The following TCEANC2 variants were observed in gnomAD, a reference collection of about 807,000 sequenced individuals.
TCEANC2 encodes the protein transcription elongation factor A N-terminal and central domain-containing protein 2.
TCEANC2 carries 20 observed loss-of-function variants against 22.8 expected under a neutral mutation model. The observed-to-expected ratio is 0.88, with a 90% CI of 0.62 to 1.28. The LOEUF is 1.28. Ranked by LOEUF, TCEANC2 falls within the 50% of genes most tolerant of loss-of-function variation. TCEANC2 has a pLI of 0.00. For synonymous variants in TCEANC2, 84 were observed against 95.5 expected, an observed-to-expected ratio of 0.88 and a Z score of 0.70; for missense variants, 251 against 249.7, an observed-to-expected ratio of 1.01 and a Z score of -0.03.
chr1:54,109,193 G>A (rs1486137685), downstream of TCEANC2, among the ~76,000 whole-genome samples: 1 of 152,224 alleles, frequency 6.6e-6, no homozygotes, highest in African/African-American at 2.4e-5. Flanking sequence ...TATCAGGAAA[G>A]GTTTAGCAGA....
chr1:54,065,808 G>A (rs183391162), intron 2 of TCEANC2, among the ~76,000 whole-genome samples: 6 of 152,242 alleles, frequency 3.9e-5, no homozygotes, highest in African/African-American at 7.2e-5. Flanking sequence ...GCTGGGCACA[G>A]TGGCTCACAC....
At chr1:54,094,096 A>G (rs1658499299) in intron 4 of TCEANC2, among the ~76,000 whole-genome samples, 1 of 152,184 alleles carries the variant, frequency 6.6e-6, no homozygotes, top group Non-Finnish European at 1.5e-5. Flanking sequence ...TCACTCCAGC[A>G]CAAGCCTTGG....
In TCEANC2 at chr1:54,096,164, A is replaced by G. The variant is rs928773968; in HGVS notation, c.439-121A>G. 1 of 1,390,282 alleles carries G rather than the reference A, an allele frequency of 7.2e-7. No individual in the cohort carries two copies. The highest frequency in any genetic ancestry group is 1.4e-5 in the African/African-American group (1 of 69,666). The allele number at this position is 1,390,282 out of a possible 1,614,324, so 86.1% of individuals were successfully genotyped here. ...TCTTCCTGTTTCTCTTGTGACAGGA[A>G]GTAGATGTCCTTGAATTTCAGTTGA... On this transcript the variant is annotated intron_variant, in intron 4 of 4. Coordinates refer to ENST00000234827, the MANE Select transcript of TCEANC2 (RefSeq NM_153035.3). This position sits in a 1 kb window ranked among gnomAD's most constrained non-coding sequence, Gnocchi z 4.9.
chr1:54,054,306 A>G (rs749264372), intron 1 of TCEANC2, 75 bp from the exon 2 acceptor site: 34 of 1,508,748 alleles, frequency 2.3e-5, no homozygotes, highest in Non-Finnish European at 2.7e-5. Flanking sequence ...AGAGAACTCA[A>G]TTGTGTTACT....
chr1:54,089,298 A>G (rs1322668794), intron 4 of TCEANC2, among the ~76,000 whole-genome samples: 1 of 152,202 alleles, frequency 6.6e-6, no homozygotes, highest in African/African-American at 2.4e-5. Flanking sequence ...GGACTGTGTT[A>G]TGGAATATCA....
chr1:54,096,870 C>A lies in TCEANC2; in HGVS notation c.*397C>A, dbSNP rs766527424. 3.0e-6 allele frequency: 3 copies of A among 991,688 alleles called. No homozygotes were observed. The Middle Eastern group carries it at 1.6e-3, about 514-fold the overall frequency. The allele number at this position is 991,688 out of a possible 1,614,324, so 61.4% of individuals were successfully genotyped here. A position where few individuals can be genotyped will look rare whatever the true frequency, so the allele number is the denominator to read the frequency against. ...GTAACTGAAACTCAATTACCGCTGC[C>A]GCTCACTCGGTTCCATCCCCCTGAG... On this transcript the variant is annotated 3_prime_UTR_variant, in exon 5 of 5. Transcript: ENST00000234827. This position sits in a 1 kb window ranked among gnomAD's most constrained non-coding sequence, Gnocchi z 4.9.
downstream of TCEANC2, among the ~76,000 whole-genome samples, chr1:54,108,529 C>T (rs1048398863): frequency 4.6e-5 from 7 of 152,110 alleles, no homozygotes; most frequent in Admixed American, 2.6e-4. Context: ...AGGAGAGAGG[C>T]CTCAGAAGAA....
chr1:54,066,147 G>A (rs1414890578), intron 2 of TCEANC2, among the ~76,000 whole-genome samples: 2 of 152,092 alleles, frequency 1.3e-5, no homozygotes, highest in Admixed American at 1.3e-4. Context: ...AGCTACTCGG[G>A]AAGCTGGCAG....
At chr1:54,067,163 G>A (rs1657972864) in intron 2 of TCEANC2, among the ~76,000 whole-genome samples, 1 of 152,224 alleles carries the variant, frequency 6.6e-6, no homozygotes, top group Admixed American at 6.5e-5. Flanking sequence ...GATGTCAAAA[G>A]GAGAAGTGGG....
chr1:54,107,715 G>T (rs760057108), downstream of TCEANC2, among the ~76,000 whole-genome samples: 2 of 152,122 alleles, frequency 1.3e-5, no homozygotes, highest in Non-Finnish European at 2.9e-5. Flanking sequence ...TTCATATAAT[G>T]TATTTTTAAA....
chr1:54,061,178 G>A (rs191059655), intron 2 of TCEANC2, among the ~76,000 whole-genome samples: 2 of 152,282 alleles, frequency 1.3e-5, no homozygotes, highest in East Asian at 3.9e-4. Context: ...AAGAAATTGA[G>A]TTAAATGTGA....
intron 3 of TCEANC2, among the ~76,000 whole-genome samples, chr1:54,069,204 T>TG (rs1658011932): frequency 6.6e-6 from 1 of 152,268 alleles, no homozygotes; most frequent in East Asian, 1.9e-4. Context: ...ATTTAATTTA[T>TG]GTACTTACTT....
At chr1:54,057,625 TC>T (rs1302250898) in intron 2 of TCEANC2, among the ~76,000 whole-genome samples, 25 of 152,228 alleles carry the variant, frequency 1.6e-4, no homozygotes, top group Admixed American at 3.3e-4. Flanking sequence ...GCCTTTGACA[TC>T]CCGCATTCAC....
rs888615736 is a variant in TCEANC2 at position 54,096,505 on chromosome 1, G to C, written c.*32G>C. On this transcript the variant is annotated 3_prime_UTR_variant, in exon 5 of 5. Coordinates refer to ENST00000234827, the MANE Select transcript of TCEANC2 (RefSeq NM_153035.3). This position sits in a 1 kb window ranked among gnomAD's most constrained non-coding sequence, Gnocchi z 4.9. ...GACGGTTCCAGCCCTGGGCCAGGCAGAGAGGAAAATGGGCCTGTCTCTGCC... is the reference window on the plus strand; with the variant it reads ...GACGGTTCCAGCCCTGGGCCAGGCACAGAGGAAAATGGGCCTGTCTCTGCC... 1.3e-6 allele frequency: 2 copies of C among 1,573,144 alleles called. No homozygotes were observed. The highest frequency in any genetic ancestry group is 1.7e-6 in the Non-Finnish European group (2 of 1,149,828).
chr1:54,094,411 C>T (rs1010884334), intron 4 of TCEANC2, among the ~76,000 whole-genome samples: 1 of 152,122 alleles, frequency 6.6e-6, no homozygotes, highest in Non-Finnish European at 1.5e-5. Context: ...CATATATGTA[C>T]AGCTCAGTGA....
chr1:54,109,120 C>A (rs1393907323), downstream of TCEANC2, among the ~76,000 whole-genome samples: 5 of 152,168 alleles, frequency 3.3e-5, no homozygotes, highest in Admixed American at 6.5e-5. Flanking sequence ...ATACTAGGGG[C>A]TGAGTGGGAG....
chr1:54,061,980 T>G (rs1228910311), intron 2 of TCEANC2, among the ~76,000 whole-genome samples: 1 of 152,222 alleles, frequency 6.6e-6, no homozygotes, highest in African/African-American at 2.4e-5. Flanking sequence ...AGTGATTTCT[T>G]CTGTTGGTTG....
intron 3 of TCEANC2, among the ~76,000 whole-genome samples, chr1:54,076,300 T>A (rs542765177): frequency 6.6e-6 from 1 of 152,276 alleles, no homozygotes; most frequent in East Asian, 1.9e-4. Context: ...TGTTCCCTTT[T>A]TTGTGTTCAT....
At position 54,060,756 on chromosome 1, in the gene TCEANC2, A is replaced by G. The variant is rs182285299; in HGVS notation, c.102+6232A>G. Among the ~76,000 whole-genome samples, 1,250 of 152,100 alleles carry G rather than the reference A, an allele frequency of 8.2e-3. 11 individuals are homozygous for G. The highest frequency in any genetic ancestry group is 0.026 in the African/African-American group (1,073 of 41,500). On this transcript the variant is annotated intron_variant, in intron 2 of 4. Transcript: ENST00000234827. ...GGAGTTTGAGACCAGCCTGGCCAAC[A>G]TGGTGAAACCTCATCTCTACTAAAA...
Sources: gnomAD v4.1 joint callset for allele counts (sites outside exome capture counted in the v4.1 genomes callset) on GRCh38, gnomAD v4.1.1 for gene constraint, Gnocchi (gnomAD v3.1) non-coding constraint, MANE v1.5 for transcripts, NCBI Gene and HGNC (gene_info 2026-07-23, HGNC 2026-07-21) for gene names.